The following KLHL1 variants were observed in gnomAD, a reference collection of about 807,000 sequenced individuals.
KLHL1 encodes kelch like family member 1.
KLHL1 carries 47 observed loss-of-function variants against 77.7 expected under a neutral mutation model. The ratio of observed to expected loss-of-function variants is 0.60; its 90% CI spans 0.48 to 0.77. KLHL1 has a LOEUF of 0.77. KLHL1 is among the 30% of genes least tolerant of loss of function. The pLI is 0.00. For synonymous variants in KLHL1, 360 were observed against 325.2 expected (o/e 1.11, Z -1.15); for missense variants, 925 against 910.8 (o/e 1.02, Z -0.20).
At chr13:69,867,443 T>C (rs1367751226) in intron 5 of KLHL1, among the ~76,000 whole-genome samples, 1 of 152,048 alleles carries the variant, frequency 6.6e-6, no homozygotes, top group Non-Finnish European at 1.5e-5. Context: ...AAGAAAGCTA[T>C]ATGCAGCCAT....
At chr13:70,004,799 T>G (rs578205816) in intron 1 of KLHL1, among the ~76,000 whole-genome samples, 1 of 151,900 alleles carries the variant, frequency 6.6e-6, no homozygotes. Context: ...AAATCAAAAT[T>G]ACTGTACTAA....
intron 4 of KLHL1, among the ~76,000 whole-genome samples, chr13:69,898,738 T>G (rs1881739870): frequency 6.6e-6 from 1 of 152,206 alleles, no homozygotes; most frequent in Non-Finnish European, 1.5e-5. Flanking sequence ...CAACTAATAA[T>G]ACCTAGTGCC....
intron 1 of KLHL1, among the ~76,000 whole-genome samples, chr13:69,990,751 G>A (rs115798335): frequency 0.012 from 1,749 of 152,024 alleles, 31 homozygotes; most frequent in African/African-American, 0.04. Flanking sequence ...AGATCATTGA[G>A]GCAGAAGATG....
At chr13:69,780,731 T>TATATATATGTATATATATATATATAC (rs1555267679) in intron 7 of KLHL1, among the ~76,000 whole-genome samples, 1 of 75,332 alleles carries the variant, frequency 1.3e-5, no homozygotes, top group Admixed American at 1.5e-4. Flanking sequence ...TATATATATA[T>TATATATATGTATATATATATATATAC]ACATATATAT....
Position 69,965,114 on chromosome 13 carries a change from G to A in KLHL1, c.681-3670C>T, listed in dbSNP as rs532720148. Among the ~76,000 whole-genome samples, 5 of 152,230 alleles carry A rather than the reference G, an allele frequency of 3.3e-5. No homozygotes were observed. The East Asian group carries it at 9.6e-4, about 29-fold the overall frequency. On this transcript the variant is annotated intron_variant, in intron 2 of 10. Coordinates refer to ENST00000377844, the MANE Select transcript of KLHL1 (RefSeq NM_020866.3). Reference sequence around the variant, plus strand: ...AATACAATTATTTGGTTTATCTGATGGAAAATGGAATTACAAATACAAGCA... The same window carrying A: ...AATACAATTATTTGGTTTATCTGATAGAAAATGGAATTACAAATACAAGCA...
intron 7 of KLHL1, among the ~76,000 whole-genome samples, chr13:69,789,964 C>T (rs1210535678): frequency 5.9e-5 from 9 of 151,574 alleles, no homozygotes; most frequent in South Asian, 2.1e-4. Flanking sequence ...AAGCATCCAG[C>T]GTCTTTCCAT....
intron 5 of KLHL1, among the ~76,000 whole-genome samples, chr13:69,844,159 T>TA (rs1879368564): frequency 6.6e-6 from 1 of 151,350 alleles, no homozygotes; most frequent in Non-Finnish European, 1.5e-5. Flanking sequence ...TTTAAAGTAA[T>TA]AAATTTAAAG....
chr13:69,961,368 TCTC>T lies in KLHL1; in HGVS notation c.754_756del (p.Glu252del). On this transcript the variant is annotated inframe_deletion, in exon 3 of 11. Coordinates refer to ENST00000377844, the MANE Select transcript of KLHL1 (RefSeq NM_020866.3). ...TTGGGGTCTATGCCTTCCATTTTGA[TCTC>T]CTCTTGCTTGGCTTCACAAACATCA... The T allele has an allele frequency of 1.9e-6, 3 of 1,613,132 alleles. No homozygotes were observed. The highest frequency in any genetic ancestry group is 1.1e-5 in the South Asian group (1 of 91,064).
rs376420787 is a variant in KLHL1, at chr13:69,714,993, T to C, written c.2015+4376A>G. Among the ~76,000 whole-genome samples the C allele has an allele frequency of 1.1e-4, 17 of 152,306 alleles. No individual in the cohort carries two copies. The East Asian group carries it at 2.9e-3, about 26-fold the overall frequency. ...TTCCTCAAAACATGCAGATAAATTA[T>C]CATGATGCCAGAAAAATTCTGGGCA... On this transcript the variant is annotated intron_variant, in intron 9 of 10. Coordinates refer to ENST00000377844, the MANE Select transcript of KLHL1 (RefSeq NM_020866.3).
intron 2 of KLHL1, among the ~76,000 whole-genome samples, chr13:69,969,053 G>T (rs1216340804): frequency 1.1e-5 from 1 of 93,072 alleles, no homozygotes; most frequent in African/African-American, 3.9e-5. Flanking sequence ...AACTTTTTAG[G>T]AGATTTTTTT....
intron 2 of KLHL1, 109 bp downstream of exon 2, chr13:69,975,511 A>C: frequency 2.6e-6 from 1 of 388,954 alleles, no homozygotes; most frequent in African/African-American, 3.8e-5. Flanking sequence ...AAACTTAAAA[A>C]AATGTGAATC....
intron 3 of KLHL1, among the ~76,000 whole-genome samples, chr13:69,955,944 T>TTATA (rs570913158): frequency 9.6e-4 from 129 of 133,938 alleles, no homozygotes; most frequent in Non-Finnish European, 1.7e-3. Flanking sequence ...TGATATATAT[T>TTATA]TATATATATA....
At chr13:69,799,868 C>T (rs1473014420) in intron 6 of KLHL1, among the ~76,000 whole-genome samples, 1 of 152,108 alleles carries the variant, frequency 6.6e-6, no homozygotes, top group Non-Finnish European at 1.5e-5. Flanking sequence ...GTGAGCGGCA[C>T]CCCGAGCTCC....
At chr13:69,892,675 G>T (rs894799552) in intron 4 of KLHL1, among the ~76,000 whole-genome samples, 2 of 152,034 alleles carry the variant, frequency 1.3e-5, no homozygotes, top group Non-Finnish European at 2.9e-5. Flanking sequence ...TTAGTCTTTT[G>T]TCCTTATGCT....
At chr13:69,978,620 G>T (rs898878647) in intron 1 of KLHL1, among the ~76,000 whole-genome samples, 19 of 151,690 alleles carry the variant, frequency 1.3e-4, no homozygotes, top group African/African-American at 4.6e-4. Flanking sequence ...CTGAGTAGCT[G>T]GGATTACAGG....
intron 6 of KLHL1, among the ~76,000 whole-genome samples, chr13:69,826,347 G>A (rs570054827): frequency 6.6e-4 from 101 of 152,316 alleles, no homozygotes; most frequent in Non-Finnish European, 1.2e-3. Context: ...CACTTTGGGA[G>A]GCCAAGGCAG....
intron 4 of KLHL1, among the ~76,000 whole-genome samples, chr13:69,918,623 C>A (rs1217444567): frequency 6.6e-6 from 1 of 151,864 alleles, no homozygotes; most frequent in Non-Finnish European, 1.5e-5. Context: ...CATGTTTCAT[C>A]AAACAACAAA....
intron 4 of KLHL1, among the ~76,000 whole-genome samples, chr13:69,939,378 T>TATATATATAC (rs1200160699): frequency 2.3e-4 from 16 of 70,790 alleles, no homozygotes; most frequent in African/African-American, 8.3e-4. Flanking sequence ...TATATATATA[T>TATATATATAC]ACACACACAC....
chr13:69,958,771 G>A (rs990290845), intron 3 of KLHL1, among the ~76,000 whole-genome samples: 2 of 151,270 alleles, frequency 1.3e-5, no homozygotes, highest in African/African-American at 4.9e-5. Flanking sequence ...CAAATGGCTG[G>A]ACTTTTACAT....
Sources: gnomAD v4.1 joint callset for allele counts (sites outside exome capture counted in the v4.1 genomes callset) on GRCh38, gnomAD v4.1.1 for gene constraint, MANE v1.5 for transcripts, NCBI Gene and HGNC (gene_info 2026-07-23, HGNC 2026-07-21) for gene names.